Variants in MTHFD2 observed in about 807,000 individuals in gnomAD.
The protein encoded by MTHFD2 is methylenetetrahydrofolate dehydrogenase (NADP+ dependent) 2, methenyltetrahydrofolate cyclohydrolase, also known as bifunctional methylenetetrahydrofolate dehydrogenase/cyclohydrolase, mitochondrial.
A neutral mutation model predicts 36.8 loss-of-function variants in MTHFD2; 26 were observed. That is an observed-to-expected ratio of 0.71 (90% confidence interval 0.52 to 0.98). The LOEUF is 0.98. Among genes scored for constraint, MTHFD2 ranks in the 50% least tolerant of loss-of-function variants. The pLI is 0.00. For missense variants in MTHFD2, 373 were observed against 434.0 expected, an observed-to-expected ratio of 0.86 and a Z score of 1.25; for synonymous variants, 164 against 155.2, an observed-to-expected ratio of 1.06 and a Z score of -0.42.
Position 74,215,178 on chromosome 2 carries a change from C to T in MTHFD2, c.*936C>T, listed in dbSNP as rs1165985766. 2.0e-5 allele frequency: 3 copies of T among 152,602 alleles called. No individual in the cohort carries two copies. The highest frequency in any genetic ancestry group is 7.2e-5 in the African/African-American group (3 of 41,440). The allele number at this position is 152,602 out of a possible 1,614,324, so 9.5% of individuals were successfully genotyped here. A position where few individuals can be genotyped will look rare whatever the true frequency, so the allele number is the denominator to read the frequency against. On this transcript the variant is annotated 3_prime_UTR_variant, in exon 8 of 8. Coordinates refer to ENST00000394053, the MANE Select transcript of MTHFD2 (RefSeq NM_006636.4). ...TTCTGTGATGTATGTATCCTGTTGA[C>T]TTTTCCAGAAATTTTTTAAGAGTTT...
chr2:74,208,607 C>A lies in MTHFD2; in HGVS notation c.448C>A (p.Pro150Thr), dbSNP rs1694236591. 6.2e-7 allele frequency: 1 copy of A among 1,614,142 alleles called. No homozygotes were observed. Among genetic ancestry groups the A allele is most frequent in the African/African-American group, 1.3e-5 (1 of 75,042 alleles). ...DERRICNAVS[P>T]DKDVDGFHVI... ...GAGAAGGATCTGCAATGCTGTTTCT[C>A]CAGACAAGGATGTTGATGGCTTTCA... The change falls in exon 4 of 8, where the codon CCA becomes ACA. Residue 150 changes from proline to threonine, a missense_variant. By Grantham distance (38) the Pro-to-Thr change is conservative (BLOSUM62 -1). Around this residue, in one of 2 missense-constraint regions of MTHFD2, gnomAD observed 308 missense variants for 397.8 expected, o/e 0.77. Transcript: ENST00000394053.
intron 7 of MTHFD2, 79 bp from the exon 8 acceptor site, chr2:74,214,000 G>C: frequency 6.9e-7 from 1 of 1,450,342 alleles, no homozygotes; most frequent in Non-Finnish European, 9.3e-7. Flanking sequence ...TTCCTTGCAT[G>C]CTTGTTTAAT....
Position 74,214,712 on chromosome 2 carries a change from G to GA in MTHFD2, c.*477dup, listed in dbSNP as rs1694392245. Reference sequence around the variant, plus strand: ...AAGAAAAAATGGTAGTAATTGAGCAGAAAAAAATTAATTTATATATGTATT... The same window carrying GA: ...AAGAAAAAATGGTAGTAATTGAGCAGAAAAAAAATTAATTTATATATGTATT... On this transcript the variant is annotated 3_prime_UTR_variant, in exon 8 of 8. Transcript: ENST00000394053. 1.3e-5 allele frequency: 2 copies of GA among 152,742 alleles called. No individual in the cohort carries two copies. Among genetic ancestry groups the GA allele is most frequent in the East Asian group, 1.9e-4 (1 of 5,194 alleles). 9.5% of individuals were successfully genotyped at this position (152,742 alleles called of 1,614,324 possible). A position where few individuals can be genotyped will look rare whatever the true frequency, so the allele number is the denominator to read the frequency against.
chr2:74,217,435 AAG>A lies in MTHFD2; in HGVS notation c.*3194_*3195del, dbSNP rs1211599732. 5 of 152,306 alleles carry A rather than the reference AAG, an allele frequency of 3.3e-5. No individual in the cohort carries two copies. The East Asian group carries it at 9.6e-4, about 29-fold the overall frequency. 9.4% of individuals were successfully genotyped at this position (152,306 alleles called of 1,614,324 possible). A position where few individuals can be genotyped will look rare whatever the true frequency, so the allele number is the denominator to read the frequency against. ...CAAATAGTTTTCAATCATTCCTTTA[AAG>A]TACTAGGTTGATTAATATTGCAAAG... On this transcript the variant is annotated 3_prime_UTR_variant, in exon 8 of 8. Transcript: ENST00000394053.
At chr2:74,203,021 G>A (rs1475527372) in intron 1 of MTHFD2, among the ~76,000 whole-genome samples, 1 of 151,854 alleles carries the variant, frequency 6.6e-6, no homozygotes, top group Non-Finnish European at 1.5e-5. Flanking sequence ...CTTTTTTTGA[G>A]ATGGAGTCTT....
Position 74,198,713 on chromosome 2 carries a change from C to G in MTHFD2, c.72C>G (p.Arg24=), listed in dbSNP as rs747811913. ...AGCCCGCGCACAGCTGCTCCCTTCG[C>G]CTTCGCCCTTTCCACCTCGCGGCAG... The part of the protein sequence containing the change: ...LLQPAHSCSL[R]LRPFHLAAVR... The change falls in exon 1 of 8, where the codon CGC becomes CGG. Residue 24 remains arginine, a synonymous_variant. Coordinates refer to ENST00000394053, the MANE Select transcript of MTHFD2 (RefSeq NM_006636.4). The G allele has an allele frequency of 1.7e-5, 28 of 1,611,136 alleles. No homozygotes were observed. The African/African-American group carries it at 2.7e-4, about 15-fold the overall frequency.
In MTHFD2 at chr2:74,216,983, G is replaced by A. The variant is rs1441436223; in HGVS notation, c.*2741G>A. ...CTGCTCTCAGTAAGAGTAGAGGTTT[G>A]GAGCTTTACCTCTTGGCAGTATCCC... is the stretch of plus-strand genomic sequence containing the variant. On this transcript the variant is annotated 3_prime_UTR_variant, in exon 8 of 8. Transcript: ENST00000394053. The A allele has an allele frequency of 6.6e-6, 1 of 152,196 alleles. No homozygotes were observed. Among genetic ancestry groups the A allele is most frequent in the Non-Finnish European group, 1.5e-5 (1 of 68,040 alleles). The allele number at this position is 152,196 out of a possible 1,614,324, so 9.4% of individuals were successfully genotyped here.
chr2:74,203,899 T>TAGTTGAGTTGAGTTGAGTTG, intron 1 of MTHFD2, among the ~76,000 whole-genome samples: 1 of 25,452 alleles, frequency 3.9e-5, no homozygotes, highest in South Asian at 6.4e-4. Flanking sequence ...TAGTTTAGTT[T>TAGTTGAGTTGAGTTGAGTTG]AGTTTAGTTA....
At chr2:74,202,753 C>T (rs1171929473) in intron 1 of MTHFD2, among the ~76,000 whole-genome samples, 1 of 152,010 alleles carries the variant, frequency 6.6e-6, no homozygotes, top group Non-Finnish European at 1.5e-5. Flanking sequence ...GTCTCAATCT[C>T]CTGACCTCAT....
At position 74,208,631 on chromosome 2, in the gene MTHFD2, C is replaced by T; in HGVS notation, c.472C>T (p.His158Tyr). 1 of 1,614,134 alleles carries T rather than the reference C, an allele frequency of 6.2e-7. No individual in the cohort carries two copies. The highest frequency in any genetic ancestry group is 8.5e-7 in the Non-Finnish European group (1 of 1,179,984). The change falls in exon 4 of 8, where the codon CAT becomes TAT. Residue 158 changes from histidine to tyrosine, a missense_variant. This residue lies in a region of MTHFD2 where 308 missense variants were observed against 397.8 expected (regional missense o/e 0.77). Transcript: ENST00000394053. ...TCCAGACAAGGATGTTGATGGCTTTCATGTAATTAATGTAGGACGAATGTG... is the reference window on the plus strand; with the variant it reads ...TCCAGACAAGGATGTTGATGGCTTTTATGTAATTAATGTAGGACGAATGTG... ...VSPDKDVDGF[H>Y]VINVGRMCLD...
intron 1 of MTHFD2, among the ~76,000 whole-genome samples, chr2:74,203,911 T>TTTAGTTTAGTTTAG (rs1558852980): frequency 4.6e-4 from 39 of 84,476 alleles, no homozygotes; most frequent in East Asian, 2.7e-3. Flanking sequence ...GTTTAGTTAG[T>TTTAGTTTAGTTTAG]TTAGTTTAGT....
intron 6 of MTHFD2, 86 bp from the exon 7 acceptor site, chr2:74,211,655 G>T: frequency 7.7e-7 from 1 of 1,302,252 alleles, no homozygotes; most frequent in African/African-American, 1.5e-5. Context: ...TAGTTCTTCA[G>T]GGTCTCTTGA....
At chr2:74,212,865 C>T (rs1694337843) in intron 7 of MTHFD2, among the ~76,000 whole-genome samples, 1 of 151,896 alleles carries the variant, frequency 6.6e-6, no homozygotes, top group Non-Finnish European at 1.5e-5. Context: ...AAACCATACC[C>T]CTGAAATACT....
intron 3 of MTHFD2, 149 bp downstream of exon 3, chr2:74,207,975 C>CAT: frequency 1.2e-6 from 1 of 810,774 alleles, no homozygotes; most frequent in Non-Finnish European, 1.9e-6. Flanking sequence ...ATGGTACAAT[C>CAT]ATAGCTCATT....
At chr2:74,211,398 A>G (rs1694301169) in intron 6 of MTHFD2, 107 bp downstream of exon 6, 3 of 717,740 alleles carry the variant, frequency 4.2e-6, no homozygotes, top group Admixed American at 5.4e-5. Flanking sequence ...TTCCCCTTGT[A>G]ATGATTCTTT....
chr2:74,213,549 C>A (rs555243354), intron 7 of MTHFD2, among the ~76,000 whole-genome samples: 1 of 152,286 alleles, frequency 6.6e-6, no homozygotes, highest in Non-Finnish European at 1.5e-5. Context: ...CTCAGCCCCC[C>A]AGAGTGCTGG....
In MTHFD2 at chr2:74,205,822, C is replaced by G. The variant is rs1472966390; in HGVS notation, c.219C>G (p.Ile73Met). Residue 73 changes from isoleucine (I) to methionine (M), a missense_variant, in exon 2 of 8, where the codon ATC (isoleucine) becomes ATG (methionine). By Grantham distance (10) the Ile-to-Met change is conservative. Transcript: ENST00000394053. ...ACAAACGGCCACACCTGAGTGTGAT[C>G]CTGGTTGGCGAGAATCCTGCAAGTC... The part of the protein sequence containing the change: ...SGNKRPHLSV[I>M]LVGENPASHS... 6.2e-7 allele frequency: 1 copy of G among 1,613,750 alleles called. No homozygotes were observed. The highest frequency in any genetic ancestry group is 8.5e-7 in the Non-Finnish European group (1 of 1,179,996).
chr2:74,211,037 G>A (rs1038667219), intron 5 of MTHFD2, among the ~76,000 whole-genome samples, 162 bp from the exon 6 acceptor site: 14 of 152,134 alleles, frequency 9.2e-5, no homozygotes, highest in Non-Finnish European at 1.3e-4. Context: ...TGCCCACCTC[G>A]GCCTCCCAAA....
intron 7 of MTHFD2, among the ~76,000 whole-genome samples, chr2:74,212,743 A>G (rs1694335919): frequency 6.6e-6 from 1 of 152,166 alleles, no homozygotes; most frequent in Non-Finnish European, 1.5e-5. Context: ...ACAAGTTTGA[A>G]AATTTGATGA....
Sources: gnomAD v4.1 joint callset for allele counts (sites outside exome capture counted in the v4.1 genomes callset) on GRCh38, gnomAD v4.1.1 for gene constraint, gnomAD v4.1.1 regional missense constraint, MANE v1.5 for transcripts, NCBI Gene and HGNC (gene_info 2026-07-23, HGNC 2026-07-21) for gene names.